The following EXOC1 variants were observed in gnomAD, a reference collection of about 807,000 sequenced individuals.
EXOC1 encodes the protein SEC3-like 1.
EXOC1 carries 67 observed loss-of-function variants against 107.7 expected under a neutral mutation model. The ratio of observed to expected loss-of-function variants is 0.62; its 90% CI spans 0.51 to 0.76. The LOEUF is 0.76. Among genes scored for constraint, EXOC1 ranks in the 30% least tolerant of loss-of-function variants. The pLI, the probability that EXOC1 is intolerant of heterozygous loss-of-function variation, is 0.00. For synonymous variants in EXOC1, 348 were observed against 353.5 expected (o/e 0.98, Z 0.17); for missense variants, 833 against 1,055.7 (o/e 0.79, Z 2.92).
At chr4:55,889,843 G>A (rs140667314) in intron 11 of EXOC1, among the ~76,000 whole-genome samples, 50 of 152,236 alleles carry the variant, frequency 3.3e-4, no homozygotes, top group African/African-American at 1.2e-3. Context: ...ATATGCTAAC[G>A]TGGTCCTCAT....
chr4:55,901,658 A>G (rs1424692627), intron 17 of EXOC1, among the ~76,000 whole-genome samples: 1 of 152,162 alleles, frequency 6.6e-6, no homozygotes. Context: ...CCAAAGAATT[A>G]TAAAATAAAA....
At chr4:55,891,261 T>C (rs1724508927) in intron 12 of EXOC1, 54 bp from the exon 13 acceptor site, 10 of 1,081,590 alleles carry the variant, frequency 9.2e-6, no homozygotes, top group Non-Finnish European at 1.3e-5. Flanking sequence ...TGGAGTGTTA[T>C]TTTAAGCATT....
chr4:55,894,297 C>T (rs555874602), intron 15 of EXOC1, among the ~76,000 whole-genome samples: 1 of 150,012 alleles, frequency 6.7e-6, no homozygotes, highest in Admixed American at 6.7e-5. Context: ...TGCTCTCCAG[C>T]CTGGGTGACA....
rs1724731592 is a variant in EXOC1 at position 55,892,842 on chromosome 4, T to C, written c.1724+131T>C. ...TCACAGTACCAGCATGTGTGTCCAT[T>C]GTCTTATCAAACGTTTTACTGATTT... On this transcript the variant is annotated intron_variant, in intron 14 of 18. Transcript: ENST00000381295. 2.1e-5 allele frequency: 16 copies of C among 759,760 alleles called. No individual in the cohort carries two copies. In the South Asian group the frequency reaches 2.9e-4, roughly 14 times the overall value. The allele number at this position is 759,760 out of a possible 1,614,324, so 47.1% of individuals were successfully genotyped here.
At chr4:55,903,503 T>C (rs539605531) in intron 18 of EXOC1, among the ~76,000 whole-genome samples, 8 of 152,150 alleles carry the variant, frequency 5.3e-5, no homozygotes, top group Non-Finnish European at 1.2e-4. Context: ...TAACACTGCT[T>C]AGGGAATAGC....
chr4:55,877,457 A>C (rs1231868045), intron 8 of EXOC1: 2 of 985,132 alleles, frequency 2.0e-6, no homozygotes, highest in African/African-American at 3.5e-5. Flanking sequence ...AAGACTTTAT[A>C]TTCTACTTTT....
At chr4:55,857,176 T>G (rs867510235) in intron 1 of EXOC1, among the ~76,000 whole-genome samples, 89 of 112,394 alleles carry the variant, frequency 7.9e-4, no homozygotes, top group African/African-American at 3.2e-3. Flanking sequence ...TTCTTTTTTT[T>G]TTTTTTTTTT....
At chr4:55,858,185 G>T in intron 1 of EXOC1, 129 bp from the exon 2 acceptor site, 3 of 759,614 alleles carry the variant, frequency 3.9e-6, no homozygotes, top group South Asian at 2.9e-5. Flanking sequence ...TGTGATATAG[G>T]TGTATTCATA....
At chr4:55,858,593 A>G in intron 2 of EXOC1, 146 bp downstream of exon 2, 2 of 802,478 alleles carry the variant, frequency 2.5e-6, no homozygotes, top group Non-Finnish European at 3.6e-6. Context: ...TGGCTTTGAC[A>G]GGCTGTTAAT....
intron 9 of EXOC1, among the ~76,000 whole-genome samples, chr4:55,881,734 G>A (rs1464576000): frequency 6.6e-6 from 1 of 152,170 alleles, no homozygotes; most frequent in African/African-American, 2.4e-5. Flanking sequence ...GAGCCAATCA[G>A]ATACGCATTT....
chr4:55,881,115 C>T (rs565300119), intron 9 of EXOC1, among the ~76,000 whole-genome samples: 13 of 152,316 alleles, frequency 8.5e-5, no homozygotes, highest in African/African-American at 3.1e-4. Flanking sequence ...TAGCCACTGC[C>T]TCTAGCTGTA....
intron 11 of EXOC1, among the ~76,000 whole-genome samples, chr4:55,889,379 T>A (rs889568338): frequency 6.6e-6 from 1 of 152,206 alleles, no homozygotes; most frequent in Admixed American, 6.5e-5. Flanking sequence ...TGTTTATGTT[T>A]AATTCTGAAT....
intron 15 of EXOC1, among the ~76,000 whole-genome samples, chr4:55,896,053 T>C (rs536556275): frequency 3.6e-4 from 55 of 152,326 alleles, no homozygotes; most frequent in African/African-American, 1.3e-3. Flanking sequence ...AAATCAGTAA[T>C]TGCCTTGTAC....
chr4:55,880,603 C>T (rs1189720630), intron 9 of EXOC1, among the ~76,000 whole-genome samples: 3 of 152,086 alleles, frequency 2.0e-5, no homozygotes, highest in African/African-American at 7.2e-5. Context: ...AGTGCTTTGT[C>T]CCCTAGTGAA....
rs563484083 is a variant in EXOC1, at chr4:55,877,243, G to A, written c.1075-674G>A. ...GTTAACTAGCTCCAAAACTCTAGCAGTCTGTGTAATTTTAATACAGTTTTC... is the reference window on the plus strand; with the variant it reads ...GTTAACTAGCTCCAAAACTCTAGCAATCTGTGTAATTTTAATACAGTTTTC... On this transcript the variant is annotated intron_variant, in intron 8 of 18. Coordinates refer to ENST00000381295, the MANE Select transcript of EXOC1 (RefSeq NM_001024924.2). The A allele has an allele frequency of 5.5e-5, 54 of 985,332 alleles. No individual in the cohort carries two copies. In the African/African-American group the frequency reaches 9.2e-4, roughly 17 times the overall value. 61.0% of individuals were successfully genotyped at this position (985,332 alleles called of 1,614,324 possible).
chr4:55,895,782 T>G (rs1402148072), intron 15 of EXOC1, among the ~76,000 whole-genome samples: 1 of 151,482 alleles, frequency 6.6e-6, no homozygotes, highest in Non-Finnish European at 1.5e-5. Context: ...TGTCATATAA[T>G]GCACAAGCAG....
chr4:55,859,453 A>G (rs909539415), intron 2 of EXOC1, among the ~76,000 whole-genome samples: 1 of 152,152 alleles, frequency 6.6e-6, no homozygotes, highest in East Asian at 1.9e-4. Context: ...GAATTCTACA[A>G]TGAATTGTTG....
At chr4:55,882,799 A>C (rs1385052339) in intron 9 of EXOC1, 1 of 152,200 alleles carries the variant, frequency 6.6e-6, no homozygotes, top group African/African-American at 2.4e-5. Flanking sequence ...TGTTCTAAAA[A>C]TTGACACATT....
At chr4:55,870,535 G>A (rs1722329094) in intron 5 of EXOC1, 143 bp from the exon 6 acceptor site, 2 of 671,834 alleles carry the variant, frequency 3.0e-6, no homozygotes, top group Non-Finnish European at 5.2e-6. Context: ...AAGTAGATGT[G>A]TAGGTATATA....
Sources: allele counts gnomAD v4.1 joint callset (sites outside exome capture counted in the v4.1 genomes callset), GRCh38; gene constraint gnomAD v4.1.1; transcripts MANE v1.5; gene names NCBI Gene and HGNC (gene_info 2026-07-23, HGNC 2026-07-21).